The following LRRTM4 variants were observed in gnomAD, a reference collection of about 807,000 sequenced individuals.
LRRTM4 encodes the protein leucine rich repeat transmembrane neuronal 4.
A neutral mutation model predicts 47.6 loss-of-function variants in LRRTM4; 25 were observed. The observed-to-expected ratio is 0.53, with a 90% CI of 0.38 to 0.73. The LOEUF is 0.73. Ranked by LOEUF, LRRTM4 falls within the 30% of genes least tolerant of loss-of-function variation. The pLI is 0.00. For synonymous variants in LRRTM4, 311 were observed against 269.5 expected (o/e 1.15, Z -1.51); for missense variants, 638 against 713.4 (o/e 0.89, Z 1.20).
intron 3 of LRRTM4, among the ~76,000 whole-genome samples, chr2:76,834,016 T>C (rs919234459): frequency 8.1e-6 from 1 of 124,190 alleles, no homozygotes; most frequent in Middle Eastern, 3.7e-3. Context: ...TTTTCATTTA[T>C]TTATTATTTA....
At chr2:76,930,073 C>CA (rs1282529454) in intron 3 of LRRTM4, among the ~76,000 whole-genome samples, 1 of 151,932 alleles carries the variant, frequency 6.6e-6, no homozygotes, top group Admixed American at 6.6e-5. Context: ...GATTGGAGAT[C>CA]AGTATTGTAT....
intron 3 of LRRTM4, among the ~76,000 whole-genome samples, chr2:77,332,461 A>G (rs890446276): frequency 6.6e-5 from 10 of 152,172 alleles, no homozygotes; most frequent in Non-Finnish European, 1.5e-4. Context: ...AGTGCTCTAG[A>G]AACTGGGGTA....
intron 3 of LRRTM4, among the ~76,000 whole-genome samples, chr2:77,064,080 T>A (rs542909953): frequency 1.8e-4 from 28 of 152,272 alleles, no homozygotes; most frequent in South Asian, 6.2e-4. Context: ...TTATTTTTTT[T>A]AAAAATGTAA....
chr2:77,076,687 GAAT>G (rs1680347414), intron 3 of LRRTM4, among the ~76,000 whole-genome samples: 1 of 152,142 alleles, frequency 6.6e-6, no homozygotes. Context: ...AGAAATGATA[GAAT>G]AAAAGTCATG....
At chr2:76,922,856 C>G (rs1573318220) in intron 3 of LRRTM4, among the ~76,000 whole-genome samples, 1 of 151,998 alleles carries the variant, frequency 6.6e-6, no homozygotes, top group South Asian at 2.1e-4. Flanking sequence ...AAAGCAGAGA[C>G]AAGGCTAGAT....
chr2:77,259,719 A>G (rs911976539), intron 3 of LRRTM4, among the ~76,000 whole-genome samples: 2 of 152,038 alleles, frequency 1.3e-5, no homozygotes, highest in Non-Finnish European at 2.9e-5. Context: ...AATATCCAGG[A>G]ATGGAGAAAA....
In LRRTM4 at chr2:77,024,019, C is replaced by T. The variant is rs140588493; in HGVS notation, c.1552-275103G>A. ...GCTGGGGAGGCCTCAGTATCATGAT[C>T]GGGCGCAAAAGTGCTTTTTACATGG... is the stretch of plus-strand genomic sequence containing the variant. On this transcript the variant is annotated intron_variant, in intron 3 of 3. Coordinates refer to ENST00000409884, the MANE Select transcript of LRRTM4 (RefSeq NM_001134745.3). Among the ~76,000 whole-genome samples the T allele has an allele frequency of 5.3e-4, 80 of 152,130 alleles. 3 individuals are homozygous for T. The East Asian group carries it at 6.8e-3, about 13-fold the overall frequency.
At chr2:76,859,386 G>A (rs1376089848) in intron 3 of LRRTM4, among the ~76,000 whole-genome samples, 2 of 151,892 alleles carry the variant, frequency 1.3e-5, no homozygotes, top group African/African-American at 4.8e-5. Context: ...TAAACACATT[G>A]GATAATGCCC....
In LRRTM4 at chr2:77,131,385, G is replaced by A. The variant is rs75860023; in HGVS notation, c.1552-382469C>T. On this transcript the variant is annotated intron_variant, in intron 3 of 3. Coordinates refer to ENST00000409884, the MANE Select transcript of LRRTM4 (RefSeq NM_001134745.3). Reference sequence around the variant, plus strand: ...GAAATTCCAAGTCTTTTAAGCACGAGTGTTTCCATCACTGACTAATTGGCT... The same window carrying A: ...GAAATTCCAAGTCTTTTAAGCACGAATGTTTCCATCACTGACTAATTGGCT... 1.4e-3 allele frequency among the ~76,000 whole-genome samples: 216 copies of A among 152,268 alleles called. 1 individual carries two copies. Among genetic ancestry groups the A allele is most frequent in the African/African-American group, 5.0e-3 (208 of 41,562 alleles).
chr2:77,366,774 A>G (rs1417734938), intron 3 of LRRTM4, among the ~76,000 whole-genome samples: 3 of 151,822 alleles, frequency 2.0e-5, no homozygotes, highest in African/African-American at 7.2e-5. Context: ...CTCAAGAACT[A>G]TATTTATTAA....
At chr2:77,311,295 AC>A (rs1249904438) in intron 3 of LRRTM4, among the ~76,000 whole-genome samples, 1 of 152,166 alleles carries the variant, frequency 6.6e-6, no homozygotes, top group Non-Finnish European at 1.5e-5. Flanking sequence ...AACAACTTAG[AC>A]CAGTTGAATT....
chr2:76,775,846 C>G (rs76579320), intron 3 of LRRTM4, among the ~76,000 whole-genome samples: 2 of 151,754 alleles, frequency 1.3e-5, no homozygotes, highest in African/African-American at 4.8e-5. Flanking sequence ...CATGCTGGTG[C>G]GCTGCACCCA....
chr2:77,025,611 C>G (rs116499103), intron 3 of LRRTM4, among the ~76,000 whole-genome samples: 1 of 152,210 alleles, frequency 6.6e-6, no homozygotes, highest in Non-Finnish European at 1.5e-5. Context: ...TGTTTTTCCT[C>G]TCAGTTGTAC....
At chr2:76,909,726 C>G (rs1558731995) in intron 3 of LRRTM4, among the ~76,000 whole-genome samples, 1 of 151,788 alleles carries the variant, frequency 6.6e-6, no homozygotes, top group Non-Finnish European at 1.5e-5. Context: ...TTTATGCAGC[C>G]AAAAAAACAC....
At chr2:77,393,350 T>C (rs538387447) in intron 3 of LRRTM4, among the ~76,000 whole-genome samples, 1 of 152,032 alleles carries the variant, frequency 6.6e-6, no homozygotes, top group Admixed American at 6.6e-5. Context: ...CGACAACTGT[T>C]ATAAAGTGCT....
chr2:76,928,877 T>C (rs1283648299), intron 3 of LRRTM4, among the ~76,000 whole-genome samples: 2 of 152,160 alleles, frequency 1.3e-5, no homozygotes, highest in Non-Finnish European at 2.9e-5. Flanking sequence ...TATAAAATCA[T>C]ATTAATATAT....
At chr2:77,113,904 A>C (rs1030659482) in intron 3 of LRRTM4, among the ~76,000 whole-genome samples, 1 of 152,164 alleles carries the variant, frequency 6.6e-6, no homozygotes, top group African/African-American at 2.4e-5. Context: ...TATATGGCCC[A>C]GGGCTGTCCT....
At chr2:77,164,668 A>C (rs2103817738) in intron 3 of LRRTM4, among the ~76,000 whole-genome samples, 1 of 152,276 alleles carries the variant, frequency 6.6e-6, no homozygotes, top group East Asian at 1.9e-4. Flanking sequence ...CCCACTCAAA[A>C]CCGCTCAACT....
intron 3 of LRRTM4, among the ~76,000 whole-genome samples, chr2:76,866,768 C>T (rs1442298264): frequency 2.6e-5 from 4 of 152,036 alleles, no homozygotes; most frequent in African/African-American, 9.7e-5. Flanking sequence ...GGGTTGGTTC[C>T]TAGTCTTTGC....
Sources: gnomAD v4.1 joint callset for allele counts (sites outside exome capture counted in the v4.1 genomes callset) on GRCh38, gnomAD v4.1.1 for gene constraint, MANE v1.5 for transcripts, NCBI Gene and HGNC (gene_info 2026-07-23, HGNC 2026-07-21) for gene names.